The following POPDC1 variants were observed in gnomAD, a reference collection of about 807,000 sequenced individuals.
The protein encoded by POPDC1 is popeye domain-containing protein 1.
At chr6:105,110,252 T>TC in the POPDC1 span, among the ~76,000 whole-genome samples, 152,252 of 152,318 alleles carry the variant, frequency 1, 76,093 homozygotes, top group Middle Eastern at 1. Context: ...TAGCTGAATA[T>TC]CCCAAACAAG....
the POPDC1 span, among the ~76,000 whole-genome samples, chr6:105,104,732 T>C: frequency 6.6e-6 from 1 of 152,130 alleles, no homozygotes. Flanking sequence ...AGAACACCGT[T>C]CTCTCAAAGG....
chr6:105,107,889 G>C, the POPDC1 span, among the ~76,000 whole-genome samples: 1 of 152,022 alleles, frequency 6.6e-6, no homozygotes, highest in Non-Finnish European at 1.5e-5. Context: ...AACTGAGTTT[G>C]AATTGAAGCT....
the POPDC1 span, chr6:105,115,745 C>G: frequency 8.7e-6 from 14 of 1,614,164 alleles, no homozygotes; most frequent in South Asian, 1.4e-4. Flanking sequence ...GTCACTGTCA[C>G]TGGAGCTGGC....
the POPDC1 span, among the ~76,000 whole-genome samples, chr6:105,119,361 C>G: frequency 3.3e-5 from 5 of 152,074 alleles, no homozygotes; most frequent in African/African-American, 9.7e-5. Flanking sequence ...TCAAGAGCCC[C>G]TCATACAGAG....
At chr6:105,105,510 C>T in the POPDC1 span, among the ~76,000 whole-genome samples, 1 of 152,198 alleles carries the variant, frequency 6.6e-6, no homozygotes, top group Admixed American at 6.5e-5. Flanking sequence ...GCTCACCTGG[C>T]CCCTAGACAT....
At chr6:105,134,853 G>A in the POPDC1 span, among the ~76,000 whole-genome samples, 1 of 152,036 alleles carries the variant, frequency 6.6e-6, no homozygotes, top group Admixed American at 6.6e-5. Flanking sequence ...GCTACAAAAA[G>A]GAAAGAAACA....
the POPDC1 span, chr6:105,125,469 G>C: frequency 1.2e-6 from 2 of 1,614,128 alleles, no homozygotes; most frequent in Non-Finnish European, 1.7e-6. Flanking sequence ...CTTTTTCAAG[G>C]TTTGGATCAT....
At chr6:105,110,652 T>C in the POPDC1 span, among the ~76,000 whole-genome samples, 1 of 151,868 alleles carries the variant, frequency 6.6e-6, no homozygotes, top group Admixed American at 6.6e-5. Context: ...TTTGTAAAAC[T>C]AGGTCATATG....
chr6:105,124,069 AC>A, the POPDC1 span, among the ~76,000 whole-genome samples: 1 of 152,182 alleles, frequency 6.6e-6, no homozygotes, highest in Non-Finnish European at 1.5e-5. Flanking sequence ...TCTTTCTATA[AC>A]ATTTTCTGTA....
chr6:105,115,631 T>C, the POPDC1 span: 1 of 1,577,794 alleles, frequency 6.3e-7, no homozygotes, highest in South Asian at 1.2e-5. Flanking sequence ...CATTTGTCTA[T>C]GTCCAGAGAT....
At chr6:105,110,771 T>G in the POPDC1 span, among the ~76,000 whole-genome samples, 1,043 of 152,132 alleles carry the variant, frequency 6.9e-3, 12 homozygotes, top group Non-Finnish European at 0.013. Context: ...GCAGCCTAGA[T>G]CTCCCAGGCT....
chr6:105,116,723 T>C, the POPDC1 span: 10 of 1,599,728 alleles, frequency 6.3e-6, no homozygotes, highest in Non-Finnish European at 8.5e-6. Context: ...GGTGGGATCA[T>C]TCAATGAGTA....
the POPDC1 span, chr6:105,129,582 T>TA: frequency 7.2e-7 from 1 of 1,392,610 alleles, no homozygotes; most frequent in South Asian, 1.4e-5. Flanking sequence ...ATATCCTCTA[T>TA]ATATACAGTA....
chr6:105,101,631 T>G, the POPDC1 span, among the ~76,000 whole-genome samples: 1 of 152,148 alleles, frequency 6.6e-6, no homozygotes, highest in Admixed American at 6.5e-5. Context: ...ATTCCAAAAT[T>G]ATGGAACCTA....
At chr6:105,133,297 C>T in the POPDC1 span, 2 of 1,411,642 alleles carry the variant, frequency 1.4e-6, no homozygotes, top group South Asian at 2.6e-5. Flanking sequence ...CAATGTAAAG[C>T]CCATCTTATG....
chr6:105,107,335 AG>A, the POPDC1 span, among the ~76,000 whole-genome samples: 1 of 152,206 alleles, frequency 6.6e-6, no homozygotes, highest in Non-Finnish European at 1.5e-5. Flanking sequence ...AGAAAAAATG[AG>A]GTAAGATTCT....
the POPDC1 span, chr6:105,098,209 C>T: frequency 2.6e-5 from 4 of 152,194 alleles, no homozygotes; most frequent in African/African-American, 7.2e-5. Context: ...TACAAAGATA[C>T]ACTTATTCAT....
At chr6:105,107,607 T>C in the POPDC1 span, among the ~76,000 whole-genome samples, 1 of 152,244 alleles carries the variant, frequency 6.6e-6, no homozygotes, top group Non-Finnish European at 1.5e-5. Flanking sequence ...TTCTGTAAGC[T>C]AATATAAGGT....
At chr6:105,124,109 G>A in the POPDC1 span, among the ~76,000 whole-genome samples, 6 of 152,102 alleles carry the variant, frequency 3.9e-5, no homozygotes, top group South Asian at 2.1e-4. Flanking sequence ...TAGGCCAGGC[G>A]TGGTGGCTCA....
Sources: allele counts gnomAD v4.1 joint callset (sites outside exome capture counted in the v4.1 genomes callset), GRCh38; gene constraint gnomAD v4.1.1; transcripts MANE v1.5; gene names NCBI Gene and HGNC (gene_info 2026-07-23, HGNC 2026-07-21).